Variants in KLRG1 observed in about 807,000 individuals in gnomAD.
KLRG1 encodes killer cell lectin-like receptor subfamily G member 1.
KLRG1 carries 16 observed loss-of-function variants against 21.8 expected under a neutral mutation model. The ratio of observed to expected loss-of-function variants is 0.73; its 90% CI spans 0.50 to 1.11. KLRG1 has a LOEUF of 1.11. Ranked by LOEUF, KLRG1 falls within the 50% of genes most tolerant of loss-of-function variation. KLRG1 has a pLI of 0.00. For synonymous variants in KLRG1, 69 were observed against 75.9 expected, an observed-to-expected ratio of 0.91 and a Z score of 0.47; for missense variants, 173 against 218.3, an observed-to-expected ratio of 0.79 and a Z score of 1.31.
chr12:9,149,656 C>G, the KLRG1 span: 1 of 1,562,436 alleles, frequency 6.4e-7, no homozygotes, highest in Admixed American at 1.7e-5. Context: ...AACTAGGGAC[C>G]ATGCTAAATC....
the KLRG1 span, among the ~76,000 whole-genome samples, chr12:9,181,822 A>G: frequency 6.6e-6 from 1 of 152,224 alleles, no homozygotes; most frequent in Non-Finnish European, 1.5e-5. Flanking sequence ...GTGCTGTACT[A>G]GATCCCTAGA....
chr12:9,140,270 G>T, the KLRG1 span, among the ~76,000 whole-genome samples: 2 of 152,180 alleles, frequency 1.3e-5, no homozygotes, highest in East Asian at 1.9e-4. Context: ...TAGTAGGGGG[G>T]GGCCCAGGAA....
At chr12:9,197,006 A>T in the KLRG1 span, 1 of 1,582,218 alleles carries the variant, frequency 6.3e-7, no homozygotes, top group Non-Finnish European at 8.7e-7. Flanking sequence ...AATACCGCCT[A>T]CTAACCTGTT....
chr12:9,157,074 T>C, the KLRG1 span: 1 of 1,139,054 alleles, frequency 8.8e-7, no homozygotes, highest in Non-Finnish European at 1.2e-6. Context: ...ATCCTGATGC[T>C]CTCCCTCTCC....
At chr12:9,069,803 G>C in the KLRG1 span, 7 of 1,613,360 alleles carry the variant, frequency 4.3e-6, no homozygotes, top group East Asian at 2.2e-5. Context: ...CACATGGTTA[G>C]ATCTTTCAAG....
At chr12:9,094,683 C>CA in the KLRG1 span, among the ~76,000 whole-genome samples, 1 of 151,982 alleles carries the variant, frequency 6.6e-6, no homozygotes, top group African/African-American at 2.4e-5. Context: ...GGAAGTTGAA[C>CA]AGCTTTTTTA....
At chr12:9,018,690 A>AAAG in the KLRG1 span, among the ~76,000 whole-genome samples, 1 of 151,392 alleles carries the variant, frequency 6.6e-6, no homozygotes, top group African/African-American at 2.4e-5. Flanking sequence ...AAAAAAAAAA[A>AAAG]AAAGAAAGAA....
At chr12:9,098,025 T>C in the KLRG1 span, among the ~76,000 whole-genome samples, 1 of 152,228 alleles carries the variant, frequency 6.6e-6, no homozygotes, top group African/African-American at 2.4e-5. Flanking sequence ...TTTTGAAATG[T>C]TGAAACTAGT....
chr12:9,104,522 C>T, the KLRG1 span: 3 of 1,025,064 alleles, frequency 2.9e-6, no homozygotes, highest in East Asian at 8.0e-5. Context: ...ACTGAGGACA[C>T]AGCAGTGAAA....
the KLRG1 span, among the ~76,000 whole-genome samples, chr12:9,170,575 G>T: frequency 6.6e-6 from 1 of 152,176 alleles, no homozygotes; most frequent in Non-Finnish European, 1.5e-5. This position sits in a 1 kb window ranked among gnomAD's most constrained non-coding sequence, Gnocchi z 4.6. Flanking sequence ...GTGGGTTGGA[G>T]TCCACCTGAG....
the KLRG1 span, among the ~76,000 whole-genome samples, chr12:9,141,186 A>G: frequency 9.2e-5 from 14 of 152,212 alleles, no homozygotes; most frequent in Admixed American, 2.0e-4. Flanking sequence ...ACACTAAGAT[A>G]TATCAGAAAT....
chr12:9,089,781 T>C, the KLRG1 span: 15 of 750,180 alleles, frequency 2.0e-5, no homozygotes, highest in Non-Finnish European at 2.6e-5. Context: ...AGAAAGTAAA[T>C]CAAGAGAGAG....
At position 9,009,680 on chromosome 12, in the gene KLRG1, C is replaced by T; in HGVS notation, c.*143C>T. On this transcript the variant is annotated 3_prime_UTR_variant, in exon 5 of 5. Transcript: ENST00000356986. ...GATATGGCATTAGATGCAAGACAAC[C>T]TCCTAGGGATTGATGCCTAACTGAT... is the stretch of plus-strand genomic sequence containing the variant. 2 of 1,435,980 alleles carry T rather than the reference C, an allele frequency of 1.4e-6. No homozygotes were observed. The highest frequency in any genetic ancestry group is 3.0e-5 in the South Asian group (2 of 66,330). 89.0% of individuals were successfully genotyped at this position (1,435,980 alleles called of 1,614,324 possible).
the KLRG1 span, chr12:9,070,590 G>T: frequency 6.3e-7 from 1 of 1,593,718 alleles, no homozygotes; most frequent in Middle Eastern, 1.7e-4. Flanking sequence ...TGAGGATCCA[G>T]GGGAGGAAAG....
the KLRG1 span, among the ~76,000 whole-genome samples, chr12:9,124,067 T>G: frequency 3.9e-5 from 6 of 152,198 alleles, no homozygotes; most frequent in African/African-American, 1.4e-4. Flanking sequence ...ATTTTCAATG[T>G]GAAAATAAAA....
At chr12:9,190,895 T>C in the KLRG1 span, among the ~76,000 whole-genome samples, 1 of 152,094 alleles carries the variant, frequency 6.6e-6, no homozygotes, top group South Asian at 2.1e-4. Context: ...TTTAGACAAA[T>C]TGTGAATAAA....
At chr12:9,166,285 T>G in the KLRG1 span, 1 of 1,426,064 alleles carries the variant, frequency 7.0e-7, no homozygotes, top group Non-Finnish European at 9.6e-7. Flanking sequence ...AGAACAAAAT[T>G]TTCAGTTTTC....
chr12:9,020,169 C>T, the KLRG1 span, among the ~76,000 whole-genome samples: 2 of 152,084 alleles, frequency 1.3e-5, no homozygotes, highest in Non-Finnish European at 2.9e-5. Context: ...GCCTTGGCCT[C>T]CTGAGTCTCT....
chr12:9,103,639 C>G, the KLRG1 span, among the ~76,000 whole-genome samples: 1 of 152,192 alleles, frequency 6.6e-6, no homozygotes, highest in Non-Finnish European at 1.5e-5. Flanking sequence ...ACTTTAGAAA[C>G]CCCATGTACG....
Sources: allele counts gnomAD v4.1 joint callset (sites outside exome capture counted in the v4.1 genomes callset), GRCh38; gene constraint gnomAD v4.1.1; non-coding constraint Gnocchi (gnomAD v3.1); transcripts MANE v1.5; gene names NCBI Gene and HGNC (gene_info 2026-07-23, HGNC 2026-07-21).